The following DCLK2 variants were observed in gnomAD, a reference collection of about 807,000 sequenced individuals.
The protein encoded by DCLK2 is doublecortin like kinase 2, also known as serine/threonine-protein kinase DCLK2.
A neutral mutation model predicts 78.4 loss-of-function variants in DCLK2; 31 were observed. The observed-to-expected ratio is 0.40, with a 90% CI of 0.30 to 0.53. The LOEUF (loss-of-function observed/expected upper bound fraction) is 0.53. Among genes scored for constraint, DCLK2 ranks in the 20% least tolerant of loss-of-function variants. The pLI is 0.61. For missense variants in DCLK2, 872 were observed against 973.7 expected, an observed-to-expected ratio of 0.90 and a Z score of 1.39; for synonymous variants, 407 against 374.9, an observed-to-expected ratio of 1.09 and a Z score of -0.99.
rs755837325 is a variant in DCLK2, at chr4:150,199,034, G to A, written c.961+931G>A. The A allele has an allele frequency of 1.9e-5, 30 of 1,594,726 alleles. No individual in the cohort carries two copies. The African/African-American group carries it at 2.8e-4, about 15-fold the overall frequency. On this transcript the variant is annotated intron_variant, in intron 4 of 15. Coordinates refer to ENST00000296550, the MANE Select transcript of DCLK2 (RefSeq NM_001040260.4). ...GTATACTGCATGTGTACAGTAAAGC[G>A]GGGTGGCCACTACTCCAGTGCCTAT...
intron 2 of DCLK2, among the ~76,000 whole-genome samples, chr4:150,135,165 TACACACACACACAC>T (rs57866267): frequency 4.9e-4 from 72 of 146,930 alleles, no homozygotes; most frequent in African/African-American, 1.5e-3. Context: ...CATACACGTG[TACACACACACACAC>T]ACACACACAC....
At chr4:150,233,284 G>C (rs953648263) in intron 10 of DCLK2, among the ~76,000 whole-genome samples, 2 of 152,154 alleles carry the variant, frequency 1.3e-5, no homozygotes, top group African/African-American at 4.8e-5. Flanking sequence ...CAGCATGGGG[G>C]AAATCTGCTT....
chr4:150,100,306 C>T (rs1730799337), intron 1 of DCLK2, among the ~76,000 whole-genome samples: 1 of 152,214 alleles, frequency 6.6e-6, no homozygotes, highest in African/African-American at 2.4e-5. Flanking sequence ...AATTAAGGAG[C>T]TTCCTTTACC....
chr4:150,221,976 G>GTTTATTTATTTA (rs1301938606), intron 7 of DCLK2, among the ~76,000 whole-genome samples, 191 bp downstream of exon 7: 3 of 141,872 alleles, frequency 2.1e-5, no homozygotes, highest in African/African-American at 8.1e-5. Flanking sequence ...TTGTTTGTTT[G>GTTTATTTATTTA]TTTATTTATT....
chr4:150,122,906 C>T (rs1343150898), intron 2 of DCLK2, among the ~76,000 whole-genome samples: 1 of 152,216 alleles, frequency 6.6e-6, no homozygotes, highest in Non-Finnish European at 1.5e-5. Context: ...CATGAACCAA[C>T]TTGTGCTAGC....
chr4:150,156,369 G>C (rs1480327627), intron 2 of DCLK2, among the ~76,000 whole-genome samples: 2 of 152,006 alleles, frequency 1.3e-5, no homozygotes, highest in Non-Finnish European at 2.9e-5. Flanking sequence ...TGTAGGGGCT[G>C]GACGTTGTGG....
At chr4:150,080,259 G>A (rs958849102) in intron 1 of DCLK2, among the ~76,000 whole-genome samples, 1 of 152,078 alleles carries the variant, frequency 6.6e-6, no homozygotes, top group Admixed American at 6.6e-5. Flanking sequence ...AATGATAGAG[G>A]CCATTGGATT....
intron 15 of DCLK2, among the ~76,000 whole-genome samples, chr4:150,255,483 C>CATG (rs1386567399): frequency 3.3e-5 from 5 of 152,230 alleles, no homozygotes; most frequent in Non-Finnish European, 5.9e-5. Context: ...GAAGAGAAGA[C>CATG]AGGTGAGGAT....
chr4:150,219,828 G>C (rs1408642058), intron 5 of DCLK2, among the ~76,000 whole-genome samples: 1 of 152,320 alleles, frequency 6.6e-6, no homozygotes, highest in East Asian at 1.9e-4. Flanking sequence ...CAGAACAAGT[G>C]GTGGGAAACA....
chr4:150,219,119 C>T (rs1740969490), intron 5 of DCLK2, among the ~76,000 whole-genome samples: 2 of 151,916 alleles, frequency 1.3e-5, no homozygotes, highest in South Asian at 4.2e-4. Context: ...TGGGAGGATC[C>T]CTTGAGCCTG....
intron 4 of DCLK2, chr4:150,198,970 C>A: frequency 8.5e-7 from 1 of 1,171,044 alleles, no homozygotes; most frequent in Non-Finnish European, 1.2e-6. Context: ...ACATTTAGAG[C>A]TGCTGAATAA....
At chr4:150,184,278 A>G (rs1466292726) in intron 2 of DCLK2, among the ~76,000 whole-genome samples, 1 of 152,210 alleles carries the variant, frequency 6.6e-6, no homozygotes, top group Non-Finnish European at 1.5e-5. Context: ...GAGGACATGC[A>G]AAGCTAAATC....
chr4:150,228,629 C>A (rs536767415), intron 8 of DCLK2, among the ~76,000 whole-genome samples: 1 of 152,304 alleles, frequency 6.6e-6, no homozygotes, highest in African/African-American at 2.4e-5. Flanking sequence ...CCTGACCCAG[C>A]TGTGAGTGAG....
At chr4:150,152,895 A>G (rs890150947) in intron 2 of DCLK2, among the ~76,000 whole-genome samples, 1 of 151,692 alleles carries the variant, frequency 6.6e-6, no homozygotes, top group African/African-American at 2.4e-5. Context: ...AATATCATTC[A>G]TTTGTGAGTA....
chr4:150,174,308 T>C (rs769540177), intron 2 of DCLK2, among the ~76,000 whole-genome samples: 1 of 152,238 alleles, frequency 6.6e-6, no homozygotes, highest in Admixed American at 6.5e-5. Flanking sequence ...ACCTCTCTTA[T>C]GAAGCTGCTG....
At chr4:150,253,621 G>A in intron 15 of DCLK2, 16 of 1,281,854 alleles carry the variant, frequency 1.2e-5, no homozygotes, top group Middle Eastern at 2.2e-4. Context: ...CTGCATGCTT[G>A]TCTCAGTTTC....
At chr4:150,253,801 C>A (rs1045970625) in intron 15 of DCLK2, 8 of 985,348 alleles carry the variant, frequency 8.1e-6, no homozygotes, top group African/African-American at 3.5e-5. Flanking sequence ...CGGGAGGAGT[C>A]CCATAGTTCT....
intron 2 of DCLK2, among the ~76,000 whole-genome samples, chr4:150,126,935 A>G (rs4557242): frequency 0.23 from 35,649 of 152,088 alleles, 4,564 homozygotes; most frequent in African/African-American, 0.34. Context: ...TTTGTCTCTC[A>G]TGATCTTTTT....
At chr4:150,148,946 G>A (rs1470811048) in intron 2 of DCLK2, among the ~76,000 whole-genome samples, 1 of 151,224 alleles carries the variant, frequency 6.6e-6, no homozygotes, top group Non-Finnish European at 1.5e-5. Flanking sequence ...GATGAGATGG[G>A]AGGATAACTT....
Sources: gnomAD v4.1 joint callset for allele counts (sites outside exome capture counted in the v4.1 genomes callset) on GRCh38, gnomAD v4.1.1 for gene constraint, MANE v1.5 for transcripts, NCBI Gene and HGNC (gene_info 2026-07-23, HGNC 2026-07-21) for gene names.